WDR72: variants seen among roughly 807,000 people sequenced by gnomAD.
WDR72 encodes WD repeat-containing protein 72.
Under a neutral mutation model 124.2 loss-of-function variants are expected in WDR72, and 120 were observed. That is an observed-to-expected ratio of 0.97 (90% confidence interval 0.83 to 1.12). WDR72 has a LOEUF of 1.12. WDR72 is among the 50% of genes most tolerant of loss of function. The pLI is 0.00. For missense variants in WDR72, 1,387 were observed against 1,278.8 expected (o/e 1.08, Z -1.29); for synonymous variants, 452 against 441.7 (o/e 1.02, Z -0.29).
intron 14 of WDR72, among the ~76,000 whole-genome samples, chr15:53,643,589 C>T (rs988066280): frequency 1.3e-5 from 2 of 152,076 alleles, no homozygotes; most frequent in Admixed American, 6.6e-5. Flanking sequence ...AAATACAATG[C>T]TAAGAACCTG....
chr15:53,619,481 A>G (rs2013902047), intron 14 of WDR72, among the ~76,000 whole-genome samples: 1 of 152,028 alleles, frequency 6.6e-6, no homozygotes. Flanking sequence ...GATTATGGTT[A>G]TTAATACTTA....
intron 1 of WDR72, among the ~76,000 whole-genome samples, chr15:53,733,548 TC>T (rs939102828): frequency 3.3e-5 from 5 of 152,106 alleles, no homozygotes; most frequent in African/African-American, 9.7e-5. Flanking sequence ...AGACTCTCTC[TC>T]CCTAGAAATG....
At chr15:53,698,109 C>A (rs1435390247) in intron 13 of WDR72, among the ~76,000 whole-genome samples, 2 of 152,056 alleles carry the variant, frequency 1.3e-5, no homozygotes, top group African/African-American at 2.4e-5. Context: ...AAAGAAATAA[C>A]AAAATTAAAA....
At chr15:53,554,929 C>T (rs537428252) in intron 18 of WDR72, among the ~76,000 whole-genome samples, 1 of 152,020 alleles carries the variant, frequency 6.6e-6, no homozygotes, top group Non-Finnish European at 1.5e-5. Context: ...AATACTCCCA[C>T]CATAACTAAT....
At chr15:53,602,454 A>G (rs895233539) in intron 17 of WDR72, among the ~76,000 whole-genome samples, 3 of 152,030 alleles carry the variant, frequency 2.0e-5, no homozygotes, top group Admixed American at 6.6e-5. Context: ...AAAAATCCCA[A>G]AGCCAGCAGA....
intron 1 of WDR72, among the ~76,000 whole-genome samples, chr15:53,741,757 T>C (rs1258227357): frequency 6.7e-6 from 1 of 150,130 alleles, no homozygotes; most frequent in Non-Finnish European, 1.5e-5. Flanking sequence ...GGATTAAGAG[T>C]CTTGCTCTGT....
In WDR72 at chr15:53,600,245, T is replaced by C. The variant is rs571208690; in HGVS notation, c.2953-2971A>G. Among the ~76,000 whole-genome samples the C allele has an allele frequency of 1.8e-4, 28 of 152,244 alleles. No individual in the cohort carries two copies. In the South Asian group the frequency reaches 5.2e-3, roughly 28 times the overall value. ...TTATAACTATCAGTACTTGAGTCTCTCTCTATAAATGTAATAGATAGATTT... is the reference window on the plus strand; with the variant it reads ...TTATAACTATCAGTACTTGAGTCTCCCTCTATAAATGTAATAGATAGATTT... On this transcript the variant is annotated intron_variant, in intron 17 of 19. Transcript: ENST00000360509.
At chr15:53,706,369 T>TAC (rs59759547) in intron 9 of WDR72, among the ~76,000 whole-genome samples, 26 of 51,024 alleles carry the variant, frequency 5.1e-4, no homozygotes, top group African/African-American at 1.6e-3. Flanking sequence ...TATATATATA[T>TAC]ATATATATAT....
chr15:53,613,011 T>C (rs1157336543), intron 16 of WDR72, among the ~76,000 whole-genome samples: 1 of 151,774 alleles, frequency 6.6e-6, no homozygotes, highest in Non-Finnish European at 1.5e-5. Flanking sequence ...TACTGACAGA[T>C]TGGATGTGGG....
At chr15:53,585,501 A>G (rs372235315) in intron 18 of WDR72, among the ~76,000 whole-genome samples, 6 of 152,082 alleles carry the variant, frequency 3.9e-5, no homozygotes, top group African/African-American at 1.2e-4. Flanking sequence ...GTCAAACCAT[A>G]TAATTGCGCT....
chr15:53,711,242 A>T, intron 8 of WDR72, 94 bp downstream of exon 8: 1 of 1,578,222 alleles, frequency 6.3e-7, no homozygotes, highest in African/African-American at 1.3e-5. Flanking sequence ...CTGGTTTTTG[A>T]TCATGGGCAG....
chr15:53,719,336 C>G (rs2017806753), intron 3 of WDR72, among the ~76,000 whole-genome samples: 1 of 152,086 alleles, frequency 6.6e-6, no homozygotes, highest in Non-Finnish European at 1.5e-5. Flanking sequence ...CTGGTTTTCC[C>G]TAGATATTTG....
chr15:53,622,463 G>A (rs544315528), intron 14 of WDR72, among the ~76,000 whole-genome samples: 28 of 151,926 alleles, frequency 1.8e-4, no homozygotes, highest in African/African-American at 6.5e-4. Flanking sequence ...AGAATGAGAT[G>A]TGTCTTTTAC....
chr15:53,622,616 G>A (rs1447193329), intron 14 of WDR72, among the ~76,000 whole-genome samples: 1 of 151,962 alleles, frequency 6.6e-6, no homozygotes, highest in Non-Finnish European at 1.5e-5. Flanking sequence ...ACACAGTGGG[G>A]GCAGTCTGAG....
chr15:53,646,884 A>C (rs80088493), intron 14 of WDR72, among the ~76,000 whole-genome samples: 4,673 of 152,234 alleles, frequency 0.031, 91 homozygotes, highest in Non-Finnish European at 0.037. Flanking sequence ...AAAATAAAAA[A>C]GGGAATAATT....
intron 14 of WDR72, among the ~76,000 whole-genome samples, chr15:53,639,548 A>ATTTATTTATAAAATTTTATATAAT (rs1566998323): frequency 1.7e-4 from 23 of 132,188 alleles, no homozygotes; most frequent in Admixed American, 8.0e-4. Context: ...ATATAATTTT[A>ATTTATTTATAAAATTTTATATAAT]TTTATTTATA....
chr15:53,706,442 A>T (rs2017382533), intron 9 of WDR72, among the ~76,000 whole-genome samples: 1 of 147,830 alleles, frequency 6.8e-6, no homozygotes, highest in Admixed American at 6.9e-5. Flanking sequence ...ATATTCAGTT[A>T]AATAATCCTC....
At chr15:53,737,817 T>C (rs1274228153) in intron 1 of WDR72, among the ~76,000 whole-genome samples, 1 of 152,132 alleles carries the variant, frequency 6.6e-6, no homozygotes, top group Non-Finnish European at 1.5e-5. Context: ...CACAAAAATA[T>C]ATAGATTCCT....
intron 7 of WDR72, 149 bp downstream of exon 7, chr15:53,712,623 C>G (rs1463428203): frequency 2.4e-6 from 2 of 825,858 alleles, no homozygotes; most frequent in Non-Finnish European, 3.7e-6. Context: ...AAAACTGTTA[C>G]GTCAGTCATA....
Sources: allele counts gnomAD v4.1 joint callset (sites outside exome capture counted in the v4.1 genomes callset), GRCh38; gene constraint gnomAD v4.1.1; transcripts MANE v1.5; gene names NCBI Gene and HGNC (gene_info 2026-07-23, HGNC 2026-07-21).